TMCC1: variants seen among roughly 807,000 people sequenced by gnomAD.
The protein encoded by TMCC1 is transmembrane and coiled-coil domains protein 1.
In TMCC1, 15 loss-of-function variants were observed where a neutral mutation model predicts 52.4. The ratio of observed to expected loss-of-function variants is 0.29; its 90% CI spans 0.19 to 0.44. The LOEUF (loss-of-function observed/expected upper bound fraction) is 0.44. Ranked by LOEUF, TMCC1 falls within the 20% of genes least tolerant of loss-of-function variation. TMCC1 has a pLI of 1.00. For missense variants in TMCC1, 503 were observed against 806.0 expected (o/e 0.62, Z 4.55); for synonymous variants, 279 against 301.9 (o/e 0.92, Z 0.79).
At chr3:129,769,160 G>T (rs900933452) in intron 4 of TMCC1, among the ~76,000 whole-genome samples, 1 of 152,208 alleles carries the variant, frequency 6.6e-6, no homozygotes, top group South Asian at 2.1e-4. Context: ...CATTGCCAGC[G>T]GGCCGCACGT....
chr3:129,752,716 G>A (rs559380879), intron 4 of TMCC1, among the ~76,000 whole-genome samples: 151 of 151,988 alleles, frequency 9.9e-4, no homozygotes, highest in African/African-American at 3.4e-3. Context: ...AGTACCAAAT[G>A]TCTAAATGAT....
intron 2 of TMCC1, among the ~76,000 whole-genome samples, chr3:129,843,814 C>A (rs1577061360): frequency 6.8e-6 from 1 of 147,256 alleles, no homozygotes; most frequent in Admixed American, 6.7e-5. Flanking sequence ...GAAATAATAA[C>A]AATTCTACTC....
chr3:129,867,169 T>A (rs2717242), intron 2 of TMCC1: 95,837 of 151,922 alleles, frequency 0.63, 35,471 homozygotes, highest in Non-Finnish European at 0.83. Flanking sequence ...AGTCCACTCT[T>A]CATATCTTAA....
chr3:129,661,426 A>G (rs537131227), intron 5 of TMCC1, among the ~76,000 whole-genome samples: 3 of 152,266 alleles, frequency 2.0e-5, no homozygotes, highest in African/African-American at 7.2e-5. Context: ...AACCTGTCTC[A>G]AACAAACAGA....
intron 4 of TMCC1, among the ~76,000 whole-genome samples, chr3:129,742,407 G>A (rs1327494014): frequency 6.6e-6 from 1 of 151,902 alleles, no homozygotes; most frequent in Admixed American, 6.6e-5. Flanking sequence ...ATGGACAGAG[G>A]ACCTGAACAG....
intron 4 of TMCC1, among the ~76,000 whole-genome samples, chr3:129,769,283 G>A (rs1277854342): frequency 6.6e-6 from 1 of 152,200 alleles, no homozygotes; most frequent in East Asian, 1.9e-4. Flanking sequence ...AGACTGGAGT[G>A]CAGTGGTGCG....
intron 4 of TMCC1, among the ~76,000 whole-genome samples, chr3:129,673,751 T>A (rs1347312842): frequency 3.3e-5 from 5 of 151,758 alleles, no homozygotes. Flanking sequence ...CTCAGGAGGC[T>A]GAGGTGGGAG....
In TMCC1 at chr3:129,827,973, G is replaced by C. The variant is rs2058732244; in HGVS notation, c.406C>G (p.Gln136Glu). Reference protein sequence around the residue: ...GKPEAPKGSPQINRKSGQEMT... With the variant: ...GKPEAPKGSPEINRKSGQEMT... ...TCCTGACCAGACTTCCTGTTGATTT[G>C]GGGACTTCCCTTTGGGGCCTCTGGC... The change falls in exon 4 of 7, where the codon CAA becomes GAA. Residue 136 changes from glutamine to glutamate, a missense_variant. Coordinates refer to ENST00000393238, the MANE Select transcript of TMCC1 (RefSeq NM_001017395.5). 1.9e-6 allele frequency: 3 copies of C among 1,614,118 alleles called. No homozygotes were observed. The highest frequency in any genetic ancestry group is 2.5e-6 in the Non-Finnish European group (3 of 1,180,004).
At chr3:129,818,454 GAAACTTTTAAAGAAAAGTTTTAAA>G (rs1560482685) in intron 4 of TMCC1, among the ~76,000 whole-genome samples, 26 of 139,282 alleles carry the variant, frequency 1.9e-4, no homozygotes, top group African/African-American at 7.1e-4. Flanking sequence ...AAGTTTTAAA[GAAACTTTTAAAGAAAAGTTTTAAA>G]GAAACTTTTA....
chr3:129,717,510 C>T (rs1330744353), intron 4 of TMCC1, among the ~76,000 whole-genome samples: 2 of 152,168 alleles, frequency 1.3e-5, no homozygotes, highest in African/African-American at 2.4e-5. Flanking sequence ...ATGTCACTTA[C>T]CTATTCAACA....
intron 4 of TMCC1, among the ~76,000 whole-genome samples, chr3:129,737,339 G>T (rs1346819005): frequency 6.6e-6 from 1 of 152,110 alleles, no homozygotes; most frequent in Non-Finnish European, 1.5e-5. Flanking sequence ...AGATTAGCTG[G>T]GCGTGGTGGC....
intron 4 of TMCC1, among the ~76,000 whole-genome samples, chr3:129,702,879 G>C (rs1477551829): frequency 6.6e-6 from 1 of 152,162 alleles, no homozygotes; most frequent in Non-Finnish European, 1.5e-5. Flanking sequence ...AGCTGGGCGT[G>C]ATAGCGTGCG....
At chr3:129,694,335 CT>C (rs2047238596) in intron 4 of TMCC1, among the ~76,000 whole-genome samples, 1 of 152,236 alleles carries the variant, frequency 6.6e-6, no homozygotes, top group South Asian at 2.1e-4. Flanking sequence ...AAGGATGCCC[CT>C]GTATGACTAA....
At chr3:129,718,298 A>G (rs1226966070) in intron 4 of TMCC1, among the ~76,000 whole-genome samples, 4 of 152,332 alleles carry the variant, frequency 2.6e-5, no homozygotes, top group African/African-American at 9.6e-5. Context: ...TGTAGTATAT[A>G]CTGTGCTACT....
chr3:129,748,656 T>A (rs940504694), intron 4 of TMCC1, among the ~76,000 whole-genome samples: 3 of 152,134 alleles, frequency 2.0e-5, no homozygotes, highest in African/African-American at 7.2e-5. Context: ...AAATGTTTCA[T>A]AAATCATTAT....
At chr3:129,823,050 G>C (rs1212364551) in intron 4 of TMCC1, among the ~76,000 whole-genome samples, 3 of 152,198 alleles carry the variant, frequency 2.0e-5, no homozygotes, top group Non-Finnish European at 4.4e-5. Flanking sequence ...TTTTAGGCCA[G>C]CGCAGTGGCT....
At chr3:129,686,035 T>C (rs897936918) in intron 4 of TMCC1, among the ~76,000 whole-genome samples, 1 of 152,236 alleles carries the variant, frequency 6.6e-6, no homozygotes, top group African/African-American at 2.4e-5. Context: ...TACCACCTTA[T>C]GATGAACTCT....
intron 4 of TMCC1, among the ~76,000 whole-genome samples, chr3:129,747,414 T>C (rs770820286): frequency 2.2e-4 from 34 of 152,244 alleles, no homozygotes; most frequent in Non-Finnish European, 4.7e-4. Flanking sequence ...TATAAACTTA[T>C]ATACCTTCAT....
chr3:129,823,918 C>A (rs9882430), intron 4 of TMCC1, among the ~76,000 whole-genome samples: 13,776 of 152,124 alleles, frequency 0.091, 2,039 homozygotes, highest in African/African-American at 0.31. Context: ...TACCCTAAAG[C>A]CTGGACCATT....
Sources: allele counts gnomAD v4.1 joint callset (sites outside exome capture counted in the v4.1 genomes callset), GRCh38; gene constraint gnomAD v4.1.1; transcripts MANE v1.5; gene names NCBI Gene and HGNC (gene_info 2026-07-23, HGNC 2026-07-21).